BRSK2: variants seen among roughly 807,000 people sequenced by gnomAD.
The protein encoded by BRSK2 is serine/threonine-protein kinase BRSK2.
Under a neutral mutation model 83.3 loss-of-function variants are expected in BRSK2, and 19 were observed. The ratio of observed to expected loss-of-function variants is 0.23; its 90% confidence interval spans 0.16 to 0.33. The LOEUF is 0.33. BRSK2 is among the 10% of genes least tolerant of loss of function. The pLI, the probability that BRSK2 is intolerant of heterozygous loss-of-function variation, is 1.00. For synonymous variants in BRSK2, 519 were observed against 435.4 expected, an observed-to-expected ratio of 1.19 and a Z score of -2.39; for missense variants, 798 against 1,042.3, an observed-to-expected ratio of 0.77 and a Z score of 3.23.
chr11:1,397,088 G>A (rs1364157991), intron 1 of BRSK2, among the ~76,000 whole-genome samples: 3 of 152,224 alleles, frequency 2.0e-5, no homozygotes, highest in Non-Finnish European at 2.9e-5. Flanking sequence ...GAAGTTAACG[G>A]CACCCTGCCA....
intron 12 of BRSK2, chr11:1,447,690 C>T: frequency 9.8e-7 from 1 of 1,019,486 alleles, no homozygotes; most frequent in Non-Finnish European, 1.5e-6. Flanking sequence ...GTGCAGCGGC[C>T]TCAGAGCCAC....
chr11:1,455,495 A>G (rs1846398331), intron 16 of BRSK2, among the ~76,000 whole-genome samples: 1 of 151,926 alleles, frequency 6.6e-6, no homozygotes, highest in Non-Finnish European at 1.5e-5. Context: ...CCGGGCACTC[A>G]GGCCACTGCT....
intron 1 of BRSK2, among the ~76,000 whole-genome samples, chr11:1,391,810 A>T (rs1845745665): frequency 6.6e-6 from 1 of 152,102 alleles, no homozygotes; most frequent in African/African-American, 2.4e-5. Flanking sequence ...ATAAAATGTT[A>T]TTATAAGGAA....
At chr11:1,427,060 C>T (rs536897380) in intron 1 of BRSK2, among the ~76,000 whole-genome samples, 44 of 152,254 alleles carry the variant, frequency 2.9e-4, no homozygotes, top group Middle Eastern at 3.4e-3. Flanking sequence ...GGCCCCCTAC[C>T]CAAACTAAAG....
intron 1 of BRSK2, among the ~76,000 whole-genome samples, chr11:1,425,601 C>A (rs1849122876): frequency 6.6e-6 from 1 of 152,172 alleles, no homozygotes; most frequent in African/African-American, 2.4e-5. Context: ...GGGCCAGGGG[C>A]CACGGGAGGC....
At chr11:1,421,701 G>C (rs1208039814) in intron 1 of BRSK2, among the ~76,000 whole-genome samples, 1 of 152,116 alleles carries the variant, frequency 6.6e-6, no homozygotes, top group Non-Finnish European at 1.5e-5. Context: ...TCCTGTGTCG[G>C]GGCTGTTACC....
At chr11:1,450,406 C>T (rs998887101) in intron 13 of BRSK2, among the ~76,000 whole-genome samples, 181 bp from the exon 14 acceptor site, 26 of 152,178 alleles carry the variant, frequency 1.7e-4, no homozygotes, top group Non-Finnish European at 2.8e-4. Context: ...CCAAGCTGAC[C>T]GACAAGCCTC....
intron 1 of BRSK2, among the ~76,000 whole-genome samples, chr11:1,429,440 G>A (rs1010655179): frequency 2.0e-5 from 3 of 152,136 alleles, no homozygotes; most frequent in Non-Finnish European, 2.9e-5. Context: ...ACACACCTAG[G>A]GGTGTACACA....
rs772428505 is a variant in BRSK2 at position 1,445,647 on chromosome 11, C to T, written c.1054C>T (p.Leu352=). Residue 352 remains leucine (L), a synonymous_variant, in exon 11 of 20, where the codon CTG becomes TTG. Transcript: ENST00000528841. ...ERYPSQEDED[L]PPRNEIDPPR... The stretch of plus-strand genomic sequence containing the variant: ...GTACCCGAGCCAGGAGGATGAGGAC[C>T]TGCCCCCCCGGAACGAGATAGGTAT... 16 of 1,592,376 alleles carry T rather than the reference C, an allele frequency of 1.0e-5. No homozygotes were observed. The African/African-American group carries it at 1.7e-4, about 17-fold the overall frequency.
chr11:1,400,446 C>T (rs1188004523), intron 1 of BRSK2, among the ~76,000 whole-genome samples: 2 of 152,178 alleles, frequency 1.3e-5, no homozygotes, highest in Non-Finnish European at 2.9e-5. Flanking sequence ...CCTCCTCTTC[C>T]ATAACCCCTG....
intron 15 of BRSK2, among the ~76,000 whole-genome samples, chr11:1,452,591 C>T (rs552140251): frequency 3.9e-4 from 59 of 152,350 alleles, no homozygotes; most frequent in African/African-American, 1.1e-3. Flanking sequence ...GGGTCCGGCA[C>T]GGATGCCTCC....
rs1850676187 is a variant in BRSK2 at position 1,438,646 on chromosome 11, G to GGGGGAA, written c.272+256_272+261dup. Among the ~76,000 whole-genome samples, 1 of 152,186 alleles carries GGGGGAA rather than the reference G, an allele frequency of 6.6e-6. No homozygotes were observed. Among genetic ancestry groups the GGGGGAA allele is most frequent in the Admixed American group, 6.5e-5 (1 of 15,290 alleles). ...AGAGCCACCAGCCTGAGGCTGGCAA[G>GGGGGAA]GGGGAACAGGACCTTCTGGAGGGGA... On this transcript the variant is annotated intron_variant, in intron 3 of 19. Transcript: ENST00000528841. The surrounding 1 kb of genome is among the most constrained non-coding windows in gnomAD (Gnocchi z 6.4).
intron 2 of BRSK2, among the ~76,000 whole-genome samples, chr11:1,437,348 C>T (rs1298377993): frequency 6.6e-6 from 1 of 152,088 alleles, no homozygotes; most frequent in African/African-American, 2.4e-5. Context: ...AAAGCCTGGT[C>T]CACGCTGGCT....
At chr11:1,446,046 A>AGCTGGGCTGGGCTGGGCTGGGCTTG (rs1164106250) in intron 12 of BRSK2, 139 bp downstream of exon 12, 2 of 940,674 alleles carry the variant, frequency 2.1e-6, no homozygotes, top group Non-Finnish European at 2.9e-6. Context: ...AACTGGGCTT[A>AGCTGGGCTGGGCTGGGCTGGGCTTG]GCTGGGCTGG....
intron 18 of BRSK2, among the ~76,000 whole-genome samples, chr11:1,458,612 C>T (rs996258567): frequency 5.3e-5 from 8 of 152,308 alleles, no homozygotes; most frequent in Non-Finnish European, 1.2e-4. Context: ...AGTGAGCAGG[C>T]ACAGGCAGAC....
intron 8 of BRSK2, among the ~76,000 whole-genome samples, chr11:1,443,939 C>A (rs1435955202): frequency 6.6e-6 from 1 of 152,044 alleles, no homozygotes; most frequent in Non-Finnish European, 1.5e-5. Context: ...AATGTAGGCA[C>A]ATGCCCAGGT....
chr11:1,459,557 T>G, intron 19 of BRSK2: 1 of 389,298 alleles, frequency 2.6e-6, no homozygotes, highest in Non-Finnish European at 4.8e-6. Flanking sequence ...GGCTGTGGCC[T>G]AGGGGAGGGG....
chr11:1,447,771 G>C, intron 12 of BRSK2: 2 of 1,591,178 alleles, frequency 1.3e-6, no homozygotes, highest in South Asian at 1.1e-5. Context: ...GTCAGTAACT[G>C]TGTTTTCTCG....
chr11:1,459,504 A>C, intron 19 of BRSK2: 1 of 504,844 alleles, frequency 2.0e-6, no homozygotes, highest in Non-Finnish European at 3.6e-6. Context: ...AGGGGCTCCC[A>C]AGGCCTGAAG....
Sources: allele counts gnomAD v4.1 joint callset (sites outside exome capture counted in the v4.1 genomes callset), GRCh38; gene constraint gnomAD v4.1.1; non-coding constraint Gnocchi (gnomAD v3.1); transcripts MANE v1.5; gene names NCBI Gene and HGNC (gene_info 2026-07-23, HGNC 2026-07-21).